Variants in ZFYVE26 observed in about 807,000 individuals in gnomAD.
The protein encoded by ZFYVE26 is zinc finger FYVE domain-containing protein 26.
A neutral mutation model predicts 276.5 loss-of-function variants in ZFYVE26; 181 were observed. That is an observed-to-expected ratio of 0.65 (90% CI 0.58 to 0.74). The LOEUF (loss-of-function observed/expected upper bound fraction) is 0.74, where lower values mean the gene tolerates loss of function less well. ZFYVE26 is among the 30% of genes least tolerant of loss of function. The probability of loss-of-function intolerance (pLI) is 0.00; values close to 1 mark genes in which losing one functional copy is unlikely to be tolerated. For missense variants in ZFYVE26, 2,821 were observed against 3,097.9 expected, an observed-to-expected ratio of 0.91 and a Z score of 2.12; for synonymous variants, 1,129 against 1,203.1, an observed-to-expected ratio of 0.94 and a Z score of 1.27.
chr14:67,790,547 T>TAA (rs1566887973), intron 15 of ZFYVE26, 25 bp downstream of exon 15: 1 of 1,611,742 alleles, frequency 6.2e-7, no homozygotes, highest in Admixed American at 1.7e-5. Context: ...CCTCACCACT[T>TAA]ATGGTGTTAG....
intron 32 of ZFYVE26, among the ~76,000 whole-genome samples, chr14:67,763,613 T>C (rs967210840): frequency 5.9e-5 from 9 of 152,220 alleles, no homozygotes; most frequent in African/African-American, 1.9e-4. Context: ...GTGCACTCTA[T>C]GGTGTTTGCA....
chr14:67,762,971 C>T (rs1181875124), intron 32 of ZFYVE26, 152 bp from the exon 33 acceptor site: 3 of 1,077,976 alleles, frequency 2.8e-6, no homozygotes, highest in African/African-American at 1.6e-5. Flanking sequence ...GGTCCGATCT[C>T]GGCTCACTGC....
At chr14:67,740,577 C>T (rs1439946127) in intron 13 of ZFYVE26, among the ~76,000 whole-genome samples, 1 of 152,066 alleles carries the variant, frequency 6.6e-6, no homozygotes, top group Admixed American at 6.6e-5. Flanking sequence ...CAATGGATAT[C>T]ATACTTCATG....
chr14:67,799,267 T>C (rs1594931581), intron 10 of ZFYVE26: 2 of 1,613,438 alleles, frequency 1.2e-6, no homozygotes, highest in East Asian at 4.5e-5. Flanking sequence ...TCATGGAGTC[T>C]GTGCTTTGCG....
At chr14:67,798,976 G>A (rs1473906108) in intron 10 of ZFYVE26, 4 of 1,133,104 alleles carry the variant, frequency 3.5e-6, no homozygotes, top group Non-Finnish European at 5.3e-6. Context: ...GGGAGGGGCG[G>A]GGGTGATTTA....
intron 4 of ZFYVE26, among the ~76,000 whole-genome samples, chr14:67,808,200 C>T (rs989865859): frequency 6.6e-6 from 1 of 152,140 alleles, no homozygotes; most frequent in Non-Finnish European, 1.5e-5. Context: ...TGCCCAGGGC[C>T]TCCATGCTCC....
chr14:67,797,803 A>G, intron 11 of ZFYVE26, 48 bp from the exon 12 acceptor site: 3 of 1,609,002 alleles, frequency 1.9e-6, no homozygotes, highest in Non-Finnish European at 2.5e-6. Flanking sequence ...ATCAACTTTG[A>G]TTTGGCCCTT....
chr14:67,765,601 G>A (rs1334922589), intron 32 of ZFYVE26, among the ~76,000 whole-genome samples: 1 of 152,190 alleles, frequency 6.6e-6, no homozygotes, highest in Non-Finnish European at 1.5e-5. Context: ...TCACACATTT[G>A]AGTGGATAAG....
rs2038511230 is a variant in ZFYVE26 at position 67,747,390 on chromosome 14, A to G, written c.*1046T>C. The stretch of plus-strand genomic sequence containing the variant: ...CGCACTCCCTTCCCAATGACCCCAC[A>G]TGTCTGCATATCCATCCTGTGGTCC... On this transcript the variant is annotated 3_prime_UTR_variant, in exon 42 of 42. Transcript: ENST00000347230. 1 of 152,140 alleles carries G rather than the reference A, an allele frequency of 6.6e-6. No individual in the cohort carries two copies. The highest frequency in any genetic ancestry group is 6.6e-5 in the Admixed American group (1 of 15,262). 9.4% of individuals were successfully genotyped at this position (152,140 alleles called of 1,614,324 possible). A position where few individuals can be genotyped will look rare whatever the true frequency, so the allele number is the denominator to read the frequency against.
At position 67,735,212 on chromosome 14, in the gene ZFYVE26, T is replaced by A. The variant is rs1019613252; in HGVS notation, n.2680-5393A>T. ...TTGTTCAGATTCCAGACTCCATCATTTCTCGTGGTGTTCAGGTGCTCCCAC... is the reference window on the plus strand; with the variant it reads ...TTGTTCAGATTCCAGACTCCATCATATCTCGTGGTGTTCAGGTGCTCCCAC... On this transcript the variant is annotated intron_variant and non_coding_transcript_variant, in intron 13 of 14. Transcript: ENST00000394455. 5 of 1,460,910 alleles carry A rather than the reference T, an allele frequency of 3.4e-6. No homozygotes were observed. In the African/African-American group the frequency reaches 5.6e-5, roughly 16 times the overall value. The allele number at this position is 1,460,910 out of a possible 1,614,324, so 90.5% of individuals were successfully genotyped here. A position where few individuals can be genotyped will look rare whatever the true frequency, so the allele number is the denominator to read the frequency against.
chr14:67,781,684 T>C (rs1454427402), intron 21 of ZFYVE26, among the ~76,000 whole-genome samples, 155 bp from the exon 22 acceptor site: 1 of 152,170 alleles, frequency 6.6e-6, no homozygotes, highest in East Asian at 1.9e-4. Context: ...GTTTTTACAC[T>C]TGGAACCATT....
intron 35 of ZFYVE26, among the ~76,000 whole-genome samples, chr14:67,757,769 C>T (rs1399370680): frequency 6.6e-6 from 1 of 151,758 alleles, no homozygotes; most frequent in African/African-American, 2.4e-5. Context: ...AGCTGGAGTG[C>T]AGTGGCGCAA....
intron 3 of ZFYVE26, among the ~76,000 whole-genome samples, chr14:67,809,682 A>G (rs2040258462): frequency 2.0e-5 from 3 of 151,954 alleles, no homozygotes; most frequent in Non-Finnish European, 4.4e-5. Flanking sequence ...TCGGCCTCCC[A>G]AAGTGCTGGG....
At chr14:67,815,617 C>T in intron 2 of ZFYVE26, 153 bp downstream of exon 2, 2 of 765,768 alleles carry the variant, frequency 2.6e-6, no homozygotes, top group South Asian at 1.4e-5. Flanking sequence ...TGGATGTATA[C>T]TATAGAGGTA....
chr14:67,742,838 C>CTTTTTTTTTTTTTTT (rs71446342), downstream of ZFYVE26, among the ~76,000 whole-genome samples: 123 of 89,766 alleles, frequency 1.4e-3, 1 homozygote, highest in African/African-American at 4.3e-3. Context: ...TCTTCTTCTT[C>CTTTTTTTTTTTTTTT]TTTTTTTTTT....
intron 13 of ZFYVE26, 56 bp from the exon 14 acceptor site, chr14:67,793,815 C>T (rs2140238066): frequency 6.2e-7 from 1 of 1,609,624 alleles, no homozygotes; most frequent in Non-Finnish European, 8.5e-7. Flanking sequence ...TAAGGAAATG[C>T]TATATTGCTG....
At chr14:67,777,496 C>T (rs2039375662) in intron 25 of ZFYVE26, 63 bp downstream of exon 25, 1 of 1,611,416 alleles carries the variant, frequency 6.2e-7, no homozygotes, top group African/African-American at 1.3e-5. Context: ...CTTCCCAACA[C>T]CTCCTTTTCC....
rs754413667 is a variant in ZFYVE26, at chr14:67,775,125, G to C, written c.5222-11C>G. Reference sequence around the variant, plus strand: ...GGTGAATCACAGAATCTGTAGAGAGGGAAAATGCTGACAAAATATGGTTCT... The same window carrying C: ...GGTGAATCACAGAATCTGTAGAGAGCGAAAATGCTGACAAAATATGGTTCT... On this transcript the variant is annotated splice_polypyrimidine_tract_variant and intron_variant, in intron 26 of 41. Transcript: ENST00000347230. 6.3e-7 allele frequency: 1 copy of C among 1,578,824 alleles called. No homozygotes were observed. The highest frequency in any genetic ancestry group is 8.7e-7 in the Non-Finnish European group (1 of 1,154,094).
In ZFYVE26 at chr14:67,748,506, T is replaced by G; in HGVS notation, c.7550A>C (p.Gln2517Pro). 6.2e-7 allele frequency: 1 copy of G among 1,613,856 alleles called. No homozygotes were observed. The highest frequency in any genetic ancestry group is 8.5e-7 in the Non-Finnish European group (1 of 1,179,968). ...AAKSSGDAVV[Q>P]DICAQWLLTS... The stretch of plus-strand genomic sequence containing the variant: ...CAGAAGCCACTGGGCACAGATGTCT[T>G]GCACTACTGCATCCCCGCTGCTCTT... The change falls in exon 42 of 42, where the codon CAA becomes CCA. Residue 2517 changes from glutamine to proline, a missense_variant. Gln to Pro is a moderately conservative substitution (Grantham distance 76, BLOSUM62 -1). Coordinates refer to ENST00000347230, the MANE Select transcript of ZFYVE26 (RefSeq NM_015346.4).
Sources: gnomAD v4.1 joint callset for allele counts (sites outside exome capture counted in the v4.1 genomes callset) on GRCh38, gnomAD v4.1.1 for gene constraint, MANE v1.5 for transcripts, NCBI Gene and HGNC (gene_info 2026-07-23, HGNC 2026-07-21) for gene names.